KPNA4: variants seen among roughly 807,000 people sequenced by gnomAD.
KPNA4 encodes importin subunit alpha-3.
KPNA4 carries 13 observed loss-of-function variants against 71.3 expected under a neutral mutation model. The observed-to-expected ratio is 0.18, with a 90% CI of 0.12 to 0.29. The LOEUF is 0.29. Among genes scored for constraint, KPNA4 ranks in the 10% least tolerant of loss-of-function variants. The pLI, the probability that KPNA4 is intolerant of heterozygous loss-of-function variation, is 1.00. For missense variants in KPNA4, 334 were observed against 603.2 expected (o/e 0.55, Z 4.67); for synonymous variants, 189 against 195.2 (o/e 0.97, Z 0.26).
chr3:160,536,015 G>A (rs982184341), intron 2 of KPNA4, 118 bp from the exon 3 acceptor site: 36 of 787,774 alleles, frequency 4.6e-5, no homozygotes, highest in East Asian at 2.7e-4. Flanking sequence ...AATATGAAGT[G>A]CCTTTTAAAA....
At chr3:160,554,632 T>C (rs1722101302) in intron 1 of KPNA4, among the ~76,000 whole-genome samples, 2 of 152,152 alleles carry the variant, frequency 1.3e-5, no homozygotes, top group African/African-American at 4.8e-5. Flanking sequence ...GACTAGAGAA[T>C]TGGCACTTTC....
At chr3:160,550,158 A>G (rs551466155) in intron 1 of KPNA4, among the ~76,000 whole-genome samples, 8 of 152,294 alleles carry the variant, frequency 5.3e-5, no homozygotes, top group Middle Eastern at 3.4e-3. Flanking sequence ...GAACAGAGAT[A>G]ATTTTACATC....
At chr3:160,510,389 A>T (rs1721066247) in intron 13 of KPNA4, among the ~76,000 whole-genome samples, 1 of 152,198 alleles carries the variant, frequency 6.6e-6, no homozygotes, top group Admixed American at 6.5e-5. Context: ...AGAAAATAAC[A>T]TAAAGCAGAG....
chr3:160,530,229 G>A (rs1033386653), intron 7 of KPNA4, among the ~76,000 whole-genome samples: 1 of 152,110 alleles, frequency 6.6e-6, no homozygotes, highest in South Asian at 2.1e-4. Flanking sequence ...AGCACACTGG[G>A]AGGCCAAAGC....
At position 160,565,545 on chromosome 3, in the gene KPNA4, G is replaced by C. The variant is rs1009564790; in HGVS notation, c.-263C>G. On this transcript the variant is annotated 5_prime_UTR_variant, in exon 1 of 17. Transcript: ENST00000334256. Reference sequence around the variant, plus strand: ...GGCAAGGCGACGGAATGTGCTGCCGGCTGAGAGGGGGAGGCAGCCTCGATC... The same window carrying C: ...GGCAAGGCGACGGAATGTGCTGCCGCCTGAGAGGGGGAGGCAGCCTCGATC... 3.8e-6 allele frequency: 2 copies of C among 532,834 alleles called. No homozygotes were observed. Among genetic ancestry groups the C allele is most frequent in the African/African-American group, 4.1e-5 (2 of 49,276 alleles). 33.0% of individuals were successfully genotyped at this position (532,834 alleles called of 1,614,324 possible). A position where few individuals can be genotyped will look rare whatever the true frequency, so the allele number is the denominator to read the frequency against.
intron 1 of KPNA4, among the ~76,000 whole-genome samples, chr3:160,549,939 G>A (rs564227105): frequency 1.0e-3 from 156 of 152,224 alleles, no homozygotes; most frequent in African/African-American, 3.7e-3. Context: ...TTGCATATAA[G>A]CCTTTCTTTT....
At chr3:160,522,731 T>G (rs146655444) in intron 10 of KPNA4, among the ~76,000 whole-genome samples, 1 of 152,376 alleles carries the variant, frequency 6.6e-6, no homozygotes, top group African/African-American at 2.4e-5. Context: ...GTGCTGGGAT[T>G]ACAGGCGTAA....
At position 160,535,610 on chromosome 3, in the gene KPNA4, G is replaced by A. The variant is rs182398835; in HGVS notation, c.235-45C>T. 235 of 1,586,552 alleles carry A rather than the reference G, an allele frequency of 1.5e-4. No individual in the cohort carries two copies. In the African/African-American group the frequency reaches 2.8e-3, roughly 19 times the overall value. On this transcript the variant is annotated intron_variant, in intron 4 of 16. Transcript: ENST00000334256. ...TTATGATGTAAATATATCACGATTA[G>A]CTGTTGAGGACAAGAAATGCAAATG...
chr3:160,513,862 C>T (rs529976271), intron 13 of KPNA4, among the ~76,000 whole-genome samples: 1 of 152,078 alleles, frequency 6.6e-6, no homozygotes, highest in Non-Finnish European at 1.5e-5. Flanking sequence ...GAATGATACA[C>T]AGAAAGGGCT....
intron 15 of KPNA4, among the ~76,000 whole-genome samples, chr3:160,507,485 G>C (rs1721009605): frequency 7.8e-6 from 1 of 128,024 alleles, no homozygotes; most frequent in Non-Finnish European, 1.6e-5. Flanking sequence ...GGGCAACAGA[G>C]CAAGACACTG....
intron 1 of KPNA4, among the ~76,000 whole-genome samples, chr3:160,546,743 C>G (rs1027706767): frequency 1.8e-5 from 2 of 111,026 alleles, no homozygotes; most frequent in African/African-American, 6.3e-5. Context: ...TGGTCTGTTT[C>G]TGCTACCATT....
intron 15 of KPNA4, among the ~76,000 whole-genome samples, chr3:160,505,995 A>C (rs1720975381): frequency 6.6e-6 from 1 of 152,132 alleles, no homozygotes; most frequent in African/African-American, 2.4e-5. Flanking sequence ...TTTGGTGATA[A>C]TCAACAATAG....
In KPNA4 at chr3:160,500,740, T is replaced by A. The variant is rs1720861406; in HGVS notation, c.*1364A>T. The A allele has an allele frequency of 6.6e-6, 1 of 152,598 alleles. No individual in the cohort carries two copies. The highest frequency in any genetic ancestry group is 6.6e-5 in the Admixed American group (1 of 15,264). 9.5% of individuals were successfully genotyped at this position (152,598 alleles called of 1,614,324 possible). A position where few individuals can be genotyped will look rare whatever the true frequency, so the allele number is the denominator to read the frequency against. On this transcript the variant is annotated 3_prime_UTR_variant, in exon 17 of 17. Coordinates refer to ENST00000334256, the MANE Select transcript of KPNA4 (RefSeq NM_002268.5). ...AAAACAATTGAACAGATTAGGCATA[T>A]TATTAAAGGTGTTCAAACCATTACT...
chr3:160,556,487 ATT>A (rs1722139406), intron 1 of KPNA4, among the ~76,000 whole-genome samples: 1 of 152,010 alleles, frequency 6.6e-6, no homozygotes, highest in Admixed American at 6.6e-5. Context: ...CCTATTTTTT[ATT>A]TGTTTATTGG....
Position 160,499,643 on chromosome 3 carries a change from G to C in KPNA4, c.*2461C>G, listed in dbSNP as rs944304694. 6.6e-5 allele frequency: 10 copies of C among 152,018 alleles called. No homozygotes were observed. Among genetic ancestry groups the C allele is most frequent in the African/African-American group, 2.4e-4 (10 of 41,402 alleles). 9.4% of individuals were successfully genotyped at this position (152,018 alleles called of 1,614,324 possible). ...AATAAAATATTTAAACGATAAGGTA[G>C]TCCTTATACCCAGAGATATTAATAT... is the stretch of plus-strand genomic sequence containing the variant. On this transcript the variant is annotated 3_prime_UTR_variant, in exon 17 of 17. Transcript: ENST00000334256.
intron 13 of KPNA4, among the ~76,000 whole-genome samples, chr3:160,513,251 T>TC (rs1721138486): frequency 1.5e-5 from 2 of 134,872 alleles, no homozygotes; most frequent in African/African-American, 5.5e-5. Flanking sequence ...ACTTTGTGGT[T>TC]TTTTTTTTTT....
intron 11 of KPNA4, among the ~76,000 whole-genome samples, chr3:160,519,722 GA>G (rs1235786518): frequency 6.7e-6 from 1 of 148,488 alleles, no homozygotes; most frequent in Non-Finnish European, 1.5e-5. Context: ...GTGAACCCGG[GA>G]AGCGGAGCTT....
intron 1 of KPNA4, among the ~76,000 whole-genome samples, chr3:160,557,126 G>C (rs1365933920): frequency 6.6e-6 from 1 of 152,162 alleles, no homozygotes; most frequent in Non-Finnish European, 1.5e-5. Context: ...AGAACAAGGA[G>C]TGATGTTAAC....
In KPNA4 at chr3:160,529,150, T is replaced by G. The variant is rs573785491; in HGVS notation, c.470-1111A>C. 2.6e-5 allele frequency among the ~76,000 whole-genome samples: 4 copies of G among 152,168 alleles called. No homozygotes were observed. In the East Asian group the frequency reaches 7.7e-4, roughly 29 times the overall value. On this transcript the variant is annotated intron_variant, in intron 7 of 16. Coordinates refer to ENST00000334256, the MANE Select transcript of KPNA4 (RefSeq NM_002268.5). ...GGTTTTACCATGTTGCCCAGGCTGG[T>G]CTCTAGCTCCTGGACTCCAGTAATC...
Sources: gnomAD v4.1 joint callset for allele counts (sites outside exome capture counted in the v4.1 genomes callset) on GRCh38, gnomAD v4.1.1 for gene constraint, MANE v1.5 for transcripts, NCBI Gene and HGNC (gene_info 2026-07-23, HGNC 2026-07-21) for gene names.